Variants in MYH11 observed in about 807,000 individuals in gnomAD.
MYH11 encodes myosin-11.
In MYH11, 80 loss-of-function variants were observed where a neutral mutation model predicts 246.6. The ratio of observed to expected loss-of-function variants is 0.32; its 90% CI spans 0.27 to 0.39. MYH11 has a LOEUF of 0.39. Among genes scored for constraint, MYH11 ranks in the 10% least tolerant of loss-of-function variants. The pLI is 1.00. For synonymous variants in MYH11, 1,071 were observed against 1,015.5 expected, an observed-to-expected ratio of 1.05 and a Z score of -1.04; for missense variants, 2,158 against 2,546.8, an observed-to-expected ratio of 0.85 and a Z score of 3.29.
At chr16:15,755,709 G>A (rs1477877144) in intron 14 of MYH11, among the ~76,000 whole-genome samples, 1 of 152,148 alleles carries the variant, frequency 6.6e-6, no homozygotes, top group African/African-American at 2.4e-5. Flanking sequence ...GAGGCGGGTG[G>A]ATCACCTGAG....
In MYH11 at chr16:15,741,665, G is replaced by A. The variant is rs1406909177; in HGVS notation, c.2657C>T (p.Thr886Ile). ...TTCCTGTAGCAGGTTCTTCTCCTCG[G>A]TCAGCTGCACGCAGGTGGTGGGGAG... The part of the protein sequence containing the change: ...KELEQKHSQL[T>I]EEKNLLQEQL... The change falls in exon 22 of 41, where the codon ACC becomes ATC. Residue 886 changes from threonine to isoleucine, a missense_variant. By Grantham distance (89) the Thr-to-Ile change is moderately conservative (BLOSUM62 -1). This residue lies in a region of MYH11 where 90 missense variants were observed against 144.2 expected (regional missense o/e 0.62). Coordinates refer to ENST00000300036, the MANE Select transcript of MYH11 (RefSeq NM_002474.3). 6.2e-7 allele frequency: 1 copy of A among 1,613,816 alleles called. No homozygotes were observed. Among genetic ancestry groups the A allele is most frequent in the Non-Finnish European group, 8.5e-7 (1 of 1,180,044 alleles).
chr16:15,827,603 C>T (rs933922238), intron 2 of MYH11, among the ~76,000 whole-genome samples: 1 of 152,344 alleles, frequency 6.6e-6, no homozygotes, highest in African/African-American at 2.4e-5. Context: ...ATCCTGCAAA[C>T]ACCAGCTGCA....
At chr16:15,740,437 G>A (rs540203510) in intron 22 of MYH11, among the ~76,000 whole-genome samples, 8 of 151,878 alleles carry the variant, frequency 5.3e-5, no homozygotes, top group South Asian at 4.2e-4. Flanking sequence ...GTGAAACCCC[G>A]TCTCTACTAA....
At chr16:15,829,852 T>C (rs72773904) in intron 2 of MYH11, among the ~76,000 whole-genome samples, 9 of 152,004 alleles carry the variant, frequency 5.9e-5, no homozygotes, top group Non-Finnish European at 8.8e-5. Context: ...CACACAGGGA[T>C]GGCCGGGCGC....
rs1433294302 is a variant in MYH11, at chr16:15,735,417, T to C, written c.3455A>G (p.Lys1152Arg). 6.2e-7 allele frequency: 1 copy of C among 1,614,106 alleles called. No individual in the cohort carries two copies. The highest frequency in any genetic ancestry group is 1.7e-5 in the Admixed American group (1 of 60,016). Residue 1152 changes from lysine (K) to arginine (R), a missense_variant, in exon 26 of 41, where the codon AAG (lysine) becomes AGG (arginine). This residue lies in a region of MYH11 where 34 missense variants were observed against 70.4 expected (regional missense o/e 0.48). Coordinates refer to ENST00000300036, the MANE Select transcript of MYH11 (RefSeq NM_002474.3). ...RDLGEELEAL[K>R]TELEDTLDST... ...GTCCAGTGTGTCTTCCAGCTCTGTCTTTAGGGCCTCCAGCTCCTCGCCGAG... is the reference window on the plus strand; with the variant it reads ...GTCCAGTGTGTCTTCCAGCTCTGTCCTTAGGGCCTCCAGCTCCTCGCCGAG...
intron 14 of MYH11, among the ~76,000 whole-genome samples, 162 bp downstream of exon 14, chr16:15,756,179 C>T (rs1402224575): frequency 6.6e-6 from 1 of 152,196 alleles, no homozygotes; most frequent in Non-Finnish European, 1.5e-5. Context: ...CTTACAGATG[C>T]GTAGACAAAT....
intron 16 of MYH11, among the ~76,000 whole-genome samples, chr16:15,748,852 C>G (rs79809291): frequency 6.6e-6 from 1 of 152,074 alleles, no homozygotes; most frequent in African/African-American, 2.4e-5. Context: ...CACCTGGTCT[C>G]AAGTGATCCT....
chr16:15,719,039 A>G, intron 36 of MYH11, 181 bp downstream of exon 36: 4 of 661,520 alleles, frequency 6.0e-6, no homozygotes, highest in Non-Finnish European at 8.2e-6. Context: ...GAGGCAGGAG[A>G]ATTGCTTGAA....
intron 40 of MYH11, chr16:15,714,094 G>A (rs767380389): frequency 6.6e-6 from 1 of 152,478 alleles, no homozygotes; most frequent in Non-Finnish European, 1.5e-5. Context: ...CCTGGATGTT[G>A]AAATCATGGA....
intron 25 of MYH11, among the ~76,000 whole-genome samples, chr16:15,736,539 A>G (rs868828015): frequency 3.9e-4 from 60 of 152,184 alleles, no homozygotes; most frequent in Admixed American, 2.1e-3. Flanking sequence ...TCGGCTTCCC[A>G]AAGTGCTGAG....
chr16:15,826,302 G>A (rs139152642), intron 2 of MYH11, among the ~76,000 whole-genome samples: 57 of 152,200 alleles, frequency 3.7e-4, no homozygotes, highest in African/African-American at 1.3e-3. Context: ...GAGTGGGAAA[G>A]TCTGGCTGGG....
rs148712592 is a variant in MYH11, at chr16:15,757,190, T to C, written c.1575+637A>G. 9.6e-3 allele frequency among the ~76,000 whole-genome samples: 1,452 copies of C among 151,546 alleles called. 15 individuals carry two copies. Among genetic ancestry groups the C allele is most frequent in the South Asian group, 0.039 (185 of 4,800 alleles). The stretch of plus-strand genomic sequence containing the variant: ...GTTTTTTTTGGAGACAGGGTCTCAC[T>C]CTGTTATCCAGGCTGGAATGCAGTG... On this transcript the variant is annotated intron_variant, in intron 13 of 40. Transcript: ENST00000300036.
intron 20 of MYH11, among the ~76,000 whole-genome samples, chr16:15,743,953 C>T (rs189262030): frequency 7.4e-4 from 113 of 152,152 alleles, no homozygotes; most frequent in African/African-American, 2.6e-3. Context: ...CCTCTGGAGG[C>T]CCTGACTCTG....
chr16:15,800,476 G>A (rs1005707365), intron 3 of MYH11, among the ~76,000 whole-genome samples: 15 of 151,512 alleles, frequency 9.9e-5, no homozygotes, highest in African/African-American at 2.4e-5. Flanking sequence ...GGGTAGATGG[G>A]TGGGTATATA....
rs2039289991 is a variant in MYH11 at position 15,703,396 on chromosome 16, CGG to C, written c.*593_*594del. 1 of 238,292 alleles carries C rather than the reference CGG, an allele frequency of 4.2e-6. No individual in the cohort carries two copies. Among genetic ancestry groups the C allele is most frequent in the South Asian group, 1.5e-4 (1 of 6,532 alleles). 14.8% of individuals were successfully genotyped at this position (238,292 alleles called of 1,614,324 possible). On this transcript the variant is annotated 3_prime_UTR_variant, in exon 41 of 41. Transcript: ENST00000300036. ...GAGTGGGGGCCGGCGGCACCCATTT[CGG>C]TGACTTTCTCCCCATTTCATGTAAA...
Position 15,735,824 on chromosome 16 carries a change from G to GT in MYH11, c.3294-247dup, listed in dbSNP as rs1171099198. 2.0e-5 allele frequency among the ~76,000 whole-genome samples: 3 copies of GT among 152,246 alleles called. No individual in the cohort carries two copies. The East Asian group carries it at 5.8e-4, about 29-fold the overall frequency. ...TGGGTGTGTGTACGTGTGTATGCAC[G>GT]TGTGTGCATGTGTGTGCAAGAATGC... On this transcript the variant is annotated intron_variant, in intron 25 of 40. Transcript: ENST00000300036.
chr16:15,767,614 G>A (rs1273847204), intron 9 of MYH11, among the ~76,000 whole-genome samples: 4 of 152,146 alleles, frequency 2.6e-5, no homozygotes, highest in South Asian at 4.2e-4. Flanking sequence ...GAACCACCGC[G>A]CCCAGCCTGA....
At chr16:15,774,255 T>G (rs1221461445) in intron 8 of MYH11, among the ~76,000 whole-genome samples, 2 of 152,208 alleles carry the variant, frequency 1.3e-5, no homozygotes, top group Non-Finnish European at 2.9e-5. Flanking sequence ...ATTTGGTTCT[T>G]TCTAAAAGCC....
At chr16:15,839,196 T>G (rs1256480714) in intron 1 of MYH11, among the ~76,000 whole-genome samples, 2 of 148,550 alleles carry the variant, frequency 1.3e-5, no homozygotes, top group African/African-American at 2.5e-5. Context: ...GGTGACAGAG[T>G]GAGACTCTGC....
Sources: gnomAD v4.1 joint callset for allele counts (sites outside exome capture counted in the v4.1 genomes callset) on GRCh38, gnomAD v4.1.1 for gene constraint, gnomAD v4.1.1 regional missense constraint, MANE v1.5 for transcripts, NCBI Gene and HGNC (gene_info 2026-07-23, HGNC 2026-07-21) for gene names.